The following SYN3 variants were observed in gnomAD, a reference collection of about 807,000 sequenced individuals.
SYN3 encodes synapsin III.
A neutral mutation model predicts 65.8 loss-of-function variants in SYN3; 35 were observed. That is an observed-to-expected ratio of 0.53 (90% CI 0.41 to 0.70). The LOEUF (loss-of-function observed/expected upper bound fraction) is 0.70. Ranked by LOEUF, SYN3 falls within the 30% of genes least tolerant of loss-of-function variation. The pLI is 0.00. For synonymous variants in SYN3, 270 were observed against 292.9 expected (o/e 0.92, Z 0.80); for missense variants, 680 against 749.0 (o/e 0.91, Z 1.08).
intron 3 of SYN3, 58 bp from the exon 4 acceptor site, chr22:32,931,539 G>T: frequency 8.3e-7 from 1 of 1,210,804 alleles, no homozygotes; most frequent in Admixed American, 1.7e-5. Context: ...GGTAACAACG[G>T]TTAACACATA....
At chr22:32,604,067 C>T (rs532389538) in intron 6 of SYN3, among the ~76,000 whole-genome samples, 70 of 152,344 alleles carry the variant, frequency 4.6e-4, no homozygotes, top group African/African-American at 1.6e-3. Context: ...TAGTCACAGC[C>T]GCATCCTCAA....
chr22:32,731,726 G>T (rs1364735293), intron 6 of SYN3, among the ~76,000 whole-genome samples: 1 of 152,164 alleles, frequency 6.6e-6, no homozygotes, highest in East Asian at 1.9e-4. Context: ...ATCCTCCACG[G>T]TTAATGACAA....
intron 6 of SYN3, among the ~76,000 whole-genome samples, chr22:32,603,537 G>GAAA (rs1259399396): frequency 0.01 from 1,268 of 124,738 alleles, 23 homozygotes; most frequent in Admixed American, 0.051. Flanking sequence ...CAAAAAAAAA[G>GAAA]AAAAAAAAAA....
chr22:32,602,326 C>T (rs995463385), intron 6 of SYN3, among the ~76,000 whole-genome samples: 7 of 152,188 alleles, frequency 4.6e-5, no homozygotes, highest in African/African-American at 9.7e-5. Flanking sequence ...CACGTATGCA[C>T]GGATATGGCT....
intron 6 of SYN3, among the ~76,000 whole-genome samples, chr22:32,613,716 T>G (rs2059478013): frequency 6.6e-6 from 1 of 152,166 alleles, no homozygotes; most frequent in Non-Finnish European, 1.5e-5. Flanking sequence ...TTGTTACCAT[T>G]ATCATTATTA....
chr22:32,529,158 G>GTC, intron 10 of SYN3, 150 bp from the exon 11 acceptor site: 1 of 913,758 alleles, frequency 1.1e-6, no homozygotes, highest in South Asian at 1.6e-5. Context: ...AGCTGGGACT[G>GTC]GCCGGCAGCG....
At chr22:32,974,737 G>A (rs2052130225) in intron 3 of SYN3, among the ~76,000 whole-genome samples, 1 of 152,160 alleles carries the variant, frequency 6.6e-6, no homozygotes, top group Non-Finnish European at 1.5e-5. Context: ...AGCCTGAAGT[G>A]ACATCAGGTT....
chr22:32,848,186 G>A (rs2048122824), intron 6 of SYN3, among the ~76,000 whole-genome samples: 1 of 152,208 alleles, frequency 6.6e-6, no homozygotes, highest in Non-Finnish European at 1.5e-5. Context: ...TCCTCTTTCT[G>A]TTCCCAGTGC....
At chr22:32,658,164 G>A (rs1243868288) in intron 6 of SYN3, among the ~76,000 whole-genome samples, 2 of 152,230 alleles carry the variant, frequency 1.3e-5, no homozygotes, top group Non-Finnish European at 2.9e-5. Context: ...GCCAAGTGAG[G>A]CAGAAGGAGA....
chr22:32,785,056 C>G (rs913791530), intron 6 of SYN3: 2 of 150,324 alleles, frequency 1.3e-5, no homozygotes, highest in African/African-American at 4.9e-5. Flanking sequence ...TCTTTTGTTA[C>G]TTTTCTTTAT....
intron 6 of SYN3, among the ~76,000 whole-genome samples, chr22:32,769,912 A>G (rs952181302): frequency 7.2e-5 from 11 of 152,318 alleles, no homozygotes; most frequent in African/African-American, 2.4e-4. Flanking sequence ...ATGACTAAAT[A>G]TCATCCATGT....
intron 6 of SYN3, among the ~76,000 whole-genome samples, chr22:32,728,619 C>T (rs1472887108): frequency 6.6e-6 from 1 of 152,192 alleles, no homozygotes; most frequent in Non-Finnish European, 1.5e-5. Context: ...AAGGCAATCT[C>T]AGGGAGCACA....
At chr22:32,940,509 C>T (rs139266905) in intron 3 of SYN3, among the ~76,000 whole-genome samples, 3 of 152,204 alleles carry the variant, frequency 2.0e-5, no homozygotes, top group East Asian at 3.9e-4. Flanking sequence ...TTCACATTTA[C>T]GTCTGTAATC....
chr22:32,717,565 T>C (rs1285387673), intron 6 of SYN3, among the ~76,000 whole-genome samples: 1 of 151,964 alleles, frequency 6.6e-6, no homozygotes, highest in African/African-American at 2.4e-5. Context: ...GGCTCTTTAT[T>C]CTGGGGGTGG....
intron 4 of SYN3, among the ~76,000 whole-genome samples, chr22:32,889,930 T>C (rs1601630252): frequency 1.3e-5 from 2 of 152,116 alleles, no homozygotes; most frequent in East Asian, 3.9e-4. Flanking sequence ...TGTATTAATT[T>C]CCATGTTTAT....
Position 32,857,186 on chromosome 22 carries a change from T to C in SYN3, c.711+7729A>G. ...TTTGGATACATACCCAGCAGTGGGA[T>C]TAGGGATCATACGGGTGTCCAAACT... On this transcript the variant is annotated intron_variant, in intron 6 of 13. Transcript: ENST00000358763. The C allele has an allele frequency of 3.2e-6, 4 of 1,240,304 alleles. No homozygotes were observed. In the South Asian group the frequency reaches 4.8e-5, roughly 15 times the overall value. 76.8% of individuals were successfully genotyped at this position (1,240,304 alleles called of 1,614,324 possible). A position where few individuals can be genotyped will look rare whatever the true frequency, so the allele number is the denominator to read the frequency against.
intron 6 of SYN3, among the ~76,000 whole-genome samples, chr22:32,729,050 A>G (rs2061235722): frequency 6.6e-6 from 1 of 152,214 alleles, no homozygotes; most frequent in Non-Finnish European, 1.5e-5. Context: ...GTGCTTCTCC[A>G]GCCAGACAGT....
chr22:32,913,574 T>C (rs2050112307), intron 4 of SYN3, among the ~76,000 whole-genome samples: 1 of 152,164 alleles, frequency 6.6e-6, no homozygotes, highest in Admixed American at 6.5e-5. Flanking sequence ...TTTTCTATTT[T>C]CTTGCTGGGC....
At chr22:32,924,033 T>C (rs1160254603) in intron 4 of SYN3, among the ~76,000 whole-genome samples, 1 of 152,226 alleles carries the variant, frequency 6.6e-6, no homozygotes, top group African/African-American at 2.4e-5. Context: ...TTCTTTTTTA[T>C]GGCTGGATAG....
Sources: allele counts gnomAD v4.1 joint callset (sites outside exome capture counted in the v4.1 genomes callset), GRCh38; gene constraint gnomAD v4.1.1; transcripts MANE v1.5; gene names NCBI Gene and HGNC (gene_info 2026-07-23, HGNC 2026-07-21).